Variants in ADAMTS6 observed in about 807,000 individuals in gnomAD.
ADAMTS6 encodes the protein ADAM metallopeptidase with thrombospondin type 1 motif 6.
ADAMTS6 carries 23 observed loss-of-function variants against 144.3 expected under a neutral mutation model. The observed-to-expected ratio is 0.16, with a 90% CI of 0.11 to 0.23. The LOEUF (loss-of-function observed/expected upper bound fraction) is 0.23. Ranked by LOEUF, ADAMTS6 falls within the 10% of genes least tolerant of loss-of-function variation. The probability of loss-of-function intolerance (pLI) is 1.00; values close to 1 mark genes in which losing one functional copy is unlikely to be tolerated. For missense variants in ADAMTS6, 999 were observed against 1,379.6 expected (o/e 0.72, Z 4.37); for synonymous variants, 444 against 457.5 (o/e 0.97, Z 0.38).
chr5:65,277,453 G>A (rs543046650), intron 11 of ADAMTS6, among the ~76,000 whole-genome samples: 3 of 152,148 alleles, frequency 2.0e-5, no homozygotes, highest in South Asian at 2.1e-4. Flanking sequence ...GCTTTATTTC[G>A]TTTTGAGGTC....
At chr5:65,398,597 G>C (rs1021294059) in intron 7 of ADAMTS6, among the ~76,000 whole-genome samples, 1 of 151,900 alleles carries the variant, frequency 6.6e-6, no homozygotes, top group Non-Finnish European at 1.5e-5. Context: ...ATGGCAGCAC[G>C]TGCCTGTAAT....
intron 7 of ADAMTS6, among the ~76,000 whole-genome samples, chr5:65,396,020 T>C (rs1753303645): frequency 6.6e-6 from 1 of 152,210 alleles, no homozygotes; most frequent in African/African-American, 2.4e-5. Flanking sequence ...ATACACTTGC[T>C]TAATCACTAA....
intron 24 of ADAMTS6, among the ~76,000 whole-genome samples, chr5:65,164,007 A>C (rs1335703510): frequency 6.6e-6 from 1 of 152,206 alleles, no homozygotes; most frequent in Non-Finnish European, 1.5e-5. Flanking sequence ...AATGAATAAA[A>C]AACAGACAGA....
intron 7 of ADAMTS6, among the ~76,000 whole-genome samples, chr5:65,362,596 T>C (rs75166706): frequency 0.016 from 2,475 of 152,304 alleles, 34 homozygotes; most frequent in East Asian, 0.083. Context: ...AATATTTCTA[T>C]ATTAATTCAA....
chr5:65,275,404 AAAG>A (rs1762432142), intron 11 of ADAMTS6, among the ~76,000 whole-genome samples: 9 of 135,360 alleles, frequency 6.6e-5, no homozygotes, highest in African/African-American at 1.1e-4. Flanking sequence ...AGAAAGAAAG[AAAG>A]AAAGAAAGAA....
At chr5:65,456,234 T>C (rs1759192055) in intron 4 of ADAMTS6, among the ~76,000 whole-genome samples, 1 of 152,134 alleles carries the variant, frequency 6.6e-6, no homozygotes, top group South Asian at 2.1e-4. Flanking sequence ...CAAGATTGAC[T>C]TGTTTTGTTT....
intron 15 of ADAMTS6, 100 bp from the exon 16 acceptor site, chr5:65,226,319 T>G: frequency 8.0e-7 from 1 of 1,252,822 alleles, no homozygotes. Flanking sequence ...GTAGACATCA[T>G]TCCCTGCTTA....
chr5:65,478,945 C>T (rs191917085), intron 1 of ADAMTS6, among the ~76,000 whole-genome samples: 1 of 152,320 alleles, frequency 6.6e-6, no homozygotes, highest in Non-Finnish European at 1.5e-5. Flanking sequence ...CCTCAGTAGT[C>T]TGCCCTGATT....
At chr5:65,474,617 C>A (rs1439933299) in intron 1 of ADAMTS6, among the ~76,000 whole-genome samples, 1 of 151,838 alleles carries the variant, frequency 6.6e-6, no homozygotes, top group Admixed American at 6.6e-5. Flanking sequence ...TCAAGTATTA[C>A]AACAGATTTC....
chr5:65,324,640 T>G (rs1745993168), intron 9 of ADAMTS6, among the ~76,000 whole-genome samples: 1 of 151,982 alleles, frequency 6.6e-6, no homozygotes, highest in African/African-American at 2.4e-5. Context: ...ACACACATAA[T>G]ATACACATAA....
intron 20 of ADAMTS6, among the ~76,000 whole-genome samples, chr5:65,200,356 C>T (rs1363921): frequency 0.13 from 19,797 of 152,156 alleles, 1,599 homozygotes; most frequent in African/African-American, 0.22. Flanking sequence ...ATAATCTAAA[C>T]TAAGTCCACA....
At chr5:65,280,669 T>C (rs1219863149) in intron 11 of ADAMTS6, among the ~76,000 whole-genome samples, 3 of 152,216 alleles carry the variant, frequency 2.0e-5, no homozygotes, top group Admixed American at 6.5e-5. Context: ...GTACATGTTG[T>C]AGCTAAATGA....
At chr5:65,418,664 C>G (rs927278602) in intron 7 of ADAMTS6, among the ~76,000 whole-genome samples, 1 of 151,960 alleles carries the variant, frequency 6.6e-6, no homozygotes, top group Non-Finnish European at 1.5e-5. Context: ...CAAGACAGGT[C>G]TAATATCCAG....
At chr5:65,349,271 G>T (rs1480358659) in intron 7 of ADAMTS6, among the ~76,000 whole-genome samples, 1 of 151,934 alleles carries the variant, frequency 6.6e-6, no homozygotes, top group East Asian at 1.9e-4. Context: ...GGTTTGCAAA[G>T]TTAAAGAATT....
chr5:65,313,174 CACACAG>C (rs907799015), intron 9 of ADAMTS6, among the ~76,000 whole-genome samples: 7 of 145,572 alleles, frequency 4.8e-5, no homozygotes, highest in African/African-American at 1.9e-4. Flanking sequence ...CACACACACA[CACACAG>C]AGTTTATTCT....
intron 4 of ADAMTS6, among the ~76,000 whole-genome samples, chr5:65,454,047 T>C (rs1346963437): frequency 6.6e-6 from 1 of 152,122 alleles, no homozygotes; most frequent in South Asian, 2.1e-4. Context: ...AAAACCATTG[T>C]TGTAGGAATG....
intron 7 of ADAMTS6, among the ~76,000 whole-genome samples, chr5:65,445,200 G>C (rs893358659): frequency 6.6e-6 from 1 of 152,126 alleles, no homozygotes; most frequent in African/African-American, 2.4e-5. Context: ...GCATCTTCTT[G>C]TTTCCATTTT....
At chr5:65,210,425 T>C (rs1580066802) in intron 20 of ADAMTS6, 1 of 162,306 alleles carries the variant, frequency 6.2e-6, no homozygotes, top group South Asian at 1.1e-4. Flanking sequence ...CACTCCAGCC[T>C]GGGCGACAGA....
At chr5:65,314,073 G>A (rs1457246845) in intron 9 of ADAMTS6, among the ~76,000 whole-genome samples, 1 of 152,008 alleles carries the variant, frequency 6.6e-6, no homozygotes, top group African/African-American at 2.4e-5. Flanking sequence ...AACAGACAGG[G>A]AATTTAAAAT....
Sources: gnomAD v4.1 joint callset for allele counts (sites outside exome capture counted in the v4.1 genomes callset) on GRCh38, gnomAD v4.1.1 for gene constraint, MANE v1.5 for transcripts, NCBI Gene and HGNC (gene_info 2026-07-23, HGNC 2026-07-21) for gene names.